CDK14: variants seen among roughly 807,000 people sequenced by gnomAD.
The protein encoded by CDK14 is cyclin dependent kinase 14, also known as cyclin-dependent kinase 14.
Under a neutral mutation model 60.7 loss-of-function variants are expected in CDK14, and 34 were observed. The observed-to-expected ratio is 0.56, with a 90% CI of 0.43 to 0.75. The LOEUF (loss-of-function observed/expected upper bound fraction) is 0.75. Among genes scored for constraint, CDK14 ranks in the 30% least tolerant of loss-of-function variants. The probability of loss-of-function intolerance (pLI) is 0.00; values close to 1 mark genes in which losing one functional copy is unlikely to be tolerated. For missense variants in CDK14, 482 were observed against 564.1 expected (o/e 0.85, Z 1.47); for synonymous variants, 197 against 203.7 (o/e 0.97, Z 0.28).
chr7:91,089,952 T>C (rs888893501), intron 12 of CDK14, among the ~76,000 whole-genome samples: 4 of 152,336 alleles, frequency 2.6e-5, no homozygotes, highest in Non-Finnish European at 5.9e-5. Context: ...TAATTTTATT[T>C]GGTAGTCAAG....
intron 4 of CDK14, among the ~76,000 whole-genome samples, chr7:90,780,852 G>A (rs57266666): frequency 0.069 from 10,408 of 151,564 alleles, 463 homozygotes; most frequent in South Asian, 0.11. Flanking sequence ...GAATAGTGCC[G>A]CAATAAACAT....
At chr7:90,936,765 G>A (rs917594346) in intron 8 of CDK14, among the ~76,000 whole-genome samples, 7 of 152,218 alleles carry the variant, frequency 4.6e-5, no homozygotes, top group South Asian at 4.1e-4. Flanking sequence ...GCATATGCAC[G>A]CTGTGTCTGG....
At chr7:90,832,448 A>C (rs1789944602) in intron 5 of CDK14, among the ~76,000 whole-genome samples, 1 of 152,216 alleles carries the variant, frequency 6.6e-6, no homozygotes, top group Non-Finnish European at 1.5e-5. Flanking sequence ...GGCTTCCTAA[A>C]GTAGCTTGTC....
chr7:91,146,162 A>G (rs1160105153), intron 14 of CDK14, among the ~76,000 whole-genome samples: 1 of 152,170 alleles, frequency 6.6e-6, no homozygotes, highest in Non-Finnish European at 1.5e-5. Context: ...AAGGGGGCTA[A>G]AACATGTAGC....
rs917416287 is a variant in CDK14, at chr7:91,165,301, T to A, written c.*29-41864T>A. On this transcript the variant is annotated intron_variant, in intron 14 of 14. Transcript: ENST00000380050. ...TACATCTAATAATCATGTGCTGACATAGAAACTGTAAGGAGTTTGTGCCAT... is the reference window on the plus strand; with the variant it reads ...TACATCTAATAATCATGTGCTGACAAAGAAACTGTAAGGAGTTTGTGCCAT... Among the ~76,000 whole-genome samples, 5 of 152,218 alleles carry A rather than the reference T, an allele frequency of 3.3e-5. No homozygotes were observed. The East Asian group carries it at 9.6e-4, about 29-fold the overall frequency.
intron 14 of CDK14, among the ~76,000 whole-genome samples, chr7:91,143,776 C>T (rs1205341555): frequency 6.6e-6 from 1 of 152,110 alleles, no homozygotes; most frequent in Non-Finnish European, 1.5e-5. Context: ...GCATGCTAGA[C>T]ATCATGTTGA....
At chr7:90,827,346 T>G (rs1267200628) in intron 5 of CDK14, among the ~76,000 whole-genome samples, 1 of 152,252 alleles carries the variant, frequency 6.6e-6, no homozygotes, top group African/African-American at 2.4e-5. Flanking sequence ...ATTTATTTAT[T>G]TACCTGTGGA....
chr7:90,898,091 C>A (rs1387434865), intron 6 of CDK14, among the ~76,000 whole-genome samples: 1 of 152,086 alleles, frequency 6.6e-6, no homozygotes, highest in Non-Finnish European at 1.5e-5. Flanking sequence ...GTAACTTCTT[C>A]CAGAGACCTT....
chr7:90,649,309 T>TTTCC (rs1270953163), intron 2 of CDK14, among the ~76,000 whole-genome samples: 30 of 41,130 alleles, frequency 7.3e-4, no homozygotes, highest in South Asian at 1.3e-3. Flanking sequence ...TCTTTCTTTC[T>TTTCC]TTCCTTCCTT....
chr7:90,766,640 T>C (rs1406924721), intron 4 of CDK14, among the ~76,000 whole-genome samples: 1 of 152,166 alleles, frequency 6.6e-6, no homozygotes, highest in Non-Finnish European at 1.5e-5. Flanking sequence ...TTGAAATCTA[T>C]TCTTACCCTA....
intron 8 of CDK14, among the ~76,000 whole-genome samples, chr7:90,929,092 G>A (rs551418602): frequency 6.6e-6 from 1 of 152,354 alleles, no homozygotes; most frequent in Non-Finnish European, 1.5e-5. Context: ...TAGGGTGGGA[G>A]TGTCTCGATT....
chr7:90,891,693 C>G (rs1300002149), intron 6 of CDK14, among the ~76,000 whole-genome samples: 1 of 152,134 alleles, frequency 6.6e-6, no homozygotes, highest in African/African-American at 2.4e-5. Flanking sequence ...TATTTTTAGC[C>G]TAGATGCAAA....
At chr7:90,816,373 G>C (rs1399694724) in intron 5 of CDK14, among the ~76,000 whole-genome samples, 1 of 152,194 alleles carries the variant, frequency 6.6e-6, no homozygotes, top group Admixed American at 6.5e-5. Flanking sequence ...AACTCGAGCT[G>C]CTCAGATGTT....
At chr7:91,205,861 T>A (rs1419844877) in intron 14 of CDK14, among the ~76,000 whole-genome samples, 1 of 152,118 alleles carries the variant, frequency 6.6e-6, no homozygotes, top group Non-Finnish European at 1.5e-5. Context: ...CGTGGCACAA[T>A]CTCGGCTCAC....
Position 91,017,976 on chromosome 7 carries a change from A to G in CDK14, c.1042-27921A>G, listed in dbSNP as rs537146410. On this transcript the variant is annotated intron_variant, in intron 10 of 14. Transcript: ENST00000380050. Reference sequence around the variant, plus strand: ...CATCAGACAGAGGTTGTGCTGGCAAACAGCAGACATATAAATGTGACCATG... The same window carrying G: ...CATCAGACAGAGGTTGTGCTGGCAAGCAGCAGACATATAAATGTGACCATG... Among the ~76,000 whole-genome samples, 5 of 152,332 alleles carry G rather than the reference A, an allele frequency of 3.3e-5. No individual in the cohort carries two copies. In the East Asian group the frequency reaches 9.6e-4, roughly 29 times the overall value.
intron 2 of CDK14, among the ~76,000 whole-genome samples, chr7:90,697,179 A>T (rs367685996): frequency 2.3e-4 from 35 of 152,334 alleles, no homozygotes; most frequent in African/African-American, 8.2e-4. Context: ...GTTCAGAATC[A>T]AGGTAGATTT....
At chr7:91,007,032 T>C (rs1392131758) in intron 10 of CDK14, among the ~76,000 whole-genome samples, 1 of 152,232 alleles carries the variant, frequency 6.6e-6, no homozygotes, top group South Asian at 2.1e-4. Context: ...TATGCACTCA[T>C]ATGTTATCTT....
At chr7:90,643,016 G>A (rs1800376753) in intron 2 of CDK14, among the ~76,000 whole-genome samples, 1 of 152,176 alleles carries the variant, frequency 6.6e-6, no homozygotes, top group Non-Finnish European at 1.5e-5. Flanking sequence ...ACATCTCGTG[G>A]GGAAATAATT....
chr7:91,004,207 C>T (rs775983532), intron 10 of CDK14, among the ~76,000 whole-genome samples: 8 of 152,028 alleles, frequency 5.3e-5, no homozygotes, highest in Non-Finnish European at 8.8e-5. Context: ...TAGAAAACTG[C>T]GATGAAATCA....
Sources: allele counts gnomAD v4.1 joint callset (sites outside exome capture counted in the v4.1 genomes callset), GRCh38; gene constraint gnomAD v4.1.1; transcripts MANE v1.5; gene names NCBI Gene and HGNC (gene_info 2026-07-23, HGNC 2026-07-21).